ADARB2: variants seen among roughly 807,000 people sequenced by gnomAD.
ADARB2 encodes adenosine deaminase RNA specific B2 (inactive).
Under a neutral mutation model 62.2 loss-of-function variants are expected in ADARB2, and 25 were observed. That is an observed-to-expected ratio of 0.40 (90% CI 0.29 to 0.56). The LOEUF (loss-of-function observed/expected upper bound fraction) is 0.56, where lower values mean the gene tolerates loss of function less well. ADARB2 is among the 20% of genes least tolerant of loss of function. The probability of loss-of-function intolerance (pLI) is 0.43; values close to 1 mark genes in which losing one functional copy is unlikely to be tolerated. For missense variants in ADARB2, 1,071 were observed against 1,077.4 expected (o/e 0.99, Z 0.08); for synonymous variants, 572 against 500.8 (o/e 1.14, Z -1.90).
intron 1 of ADARB2, among the ~76,000 whole-genome samples, chr10:1,608,774 G>GAAAGAAAGAAAGAAAGAAAGAAAGAA: frequency 1.4e-5 from 2 of 139,532 alleles, no homozygotes; most frequent in Admixed American, 7.3e-5. Flanking sequence ...GAAAGAGAAA[G>GAAAGAAAGAAAGAAAGAAAGAAAGAA]AGAAAGAAAG....
At position 1,398,603 on chromosome 10, in the gene ADARB2, C is replaced by T. The variant is rs939679105; in HGVS notation, c.101-19443G>A. On this transcript the variant is annotated intron_variant, in intron 1 of 9. Transcript: ENST00000381312. This position sits in a 1 kb window ranked among gnomAD's most constrained non-coding sequence, Gnocchi z 4.1. ...GTGCGGAGGTAAGACAACTCAAAAACGTGTATTTGCCGTTTCTTTCTTTGA... is the reference window on the plus strand; with the variant it reads ...GTGCGGAGGTAAGACAACTCAAAAATGTGTATTTGCCGTTTCTTTCTTTGA... 1.3e-5 allele frequency among the ~76,000 whole-genome samples: 2 copies of T among 152,190 alleles called. No homozygotes were observed. Among genetic ancestry groups the T allele is most frequent in the Non-Finnish European group, 2.9e-5 (2 of 68,034 alleles).
intron 1 of ADARB2, among the ~76,000 whole-genome samples, chr10:1,649,952 C>T (rs17221916): frequency 0.23 from 35,365 of 152,128 alleles, 4,170 homozygotes; most frequent in Admixed American, 0.27. Flanking sequence ...TACACAAACC[C>T]GGGAGGACCT....
chr10:1,252,483 G>C (rs1275155399), intron 4 of ADARB2, among the ~76,000 whole-genome samples: 1 of 152,180 alleles, frequency 6.6e-6, no homozygotes, highest in East Asian at 1.9e-4. Context: ...CAGCCTAACT[G>C]ATCTTCTGTA....
chr10:1,637,292 T>C (rs963248520), intron 1 of ADARB2, among the ~76,000 whole-genome samples: 5 of 152,138 alleles, frequency 3.3e-5, no homozygotes, highest in Admixed American at 3.3e-4. Flanking sequence ...CAGCTCGGAG[T>C]GGGAAGGAAG....
intron 1 of ADARB2, among the ~76,000 whole-genome samples, chr10:1,379,884 G>A (rs1017359679): frequency 6.6e-6 from 1 of 152,142 alleles, no homozygotes; most frequent in Non-Finnish European, 1.5e-5. Context: ...AGGAGATGCC[G>A]CTCTTCACCA....
At chr10:1,231,698 T>A (rs909799051) in intron 6 of ADARB2, among the ~76,000 whole-genome samples, 1 of 152,186 alleles carries the variant, frequency 6.6e-6, no homozygotes, top group South Asian at 2.1e-4. Context: ...CCAAAGGGTG[T>A]GGAAATACTA....
At chr10:1,275,621 A>G (rs1302279134) in intron 3 of ADARB2, among the ~76,000 whole-genome samples, 1 of 151,034 alleles carries the variant, frequency 6.6e-6, no homozygotes, top group East Asian at 2.0e-4. Context: ...CTCATCATTT[A>G]ACATTAGGTA....
At chr10:1,392,091 C>T (rs568819823) in intron 1 of ADARB2, among the ~76,000 whole-genome samples, 3 of 152,178 alleles carry the variant, frequency 2.0e-5, no homozygotes, top group Admixed American at 6.5e-5. Flanking sequence ...ACTCTACCTC[C>T]TAAAAAGCAC....
intron 1 of ADARB2, among the ~76,000 whole-genome samples, chr10:1,596,318 T>C (rs1385615748): frequency 1.3e-5 from 2 of 152,232 alleles, no homozygotes; most frequent in Non-Finnish European, 2.9e-5. Flanking sequence ...CCAACAAGTT[T>C]ATCTTGTTTA....
At chr10:1,694,938 A>G (rs1834720402) in intron 1 of ADARB2, among the ~76,000 whole-genome samples, 1 of 152,118 alleles carries the variant, frequency 6.6e-6, no homozygotes, top group Non-Finnish European at 1.5e-5. Context: ...AAGCCTCTGC[A>G]TGGAAGGTTA....
At chr10:1,682,411 A>C (rs897256012) in intron 1 of ADARB2, among the ~76,000 whole-genome samples, 1 of 152,204 alleles carries the variant, frequency 6.6e-6, no homozygotes, top group Non-Finnish European at 1.5e-5. Context: ...AGCCATTTGC[A>C]CTTTAAGGAA....
intron 1 of ADARB2, among the ~76,000 whole-genome samples, chr10:1,510,140 CTT>C (rs1458062367): frequency 8.0e-6 from 1 of 124,252 alleles, no homozygotes; most frequent in Non-Finnish European, 1.7e-5. Context: ...TTCTTTCTTT[CTT>C]TCTTTCTTTC....
chr10:1,515,904 A>G (rs183538464), intron 1 of ADARB2, among the ~76,000 whole-genome samples: 60 of 152,342 alleles, frequency 3.9e-4, no homozygotes, highest in African/African-American at 1.3e-3. Context: ...TGACAGTGCC[A>G]CTATCACCTC....
At chr10:1,427,573 A>C (rs1832902988) in intron 1 of ADARB2, among the ~76,000 whole-genome samples, 1 of 152,238 alleles carries the variant, frequency 6.6e-6, no homozygotes, top group South Asian at 2.1e-4. Flanking sequence ...TGGTGACCAC[A>C]CCAAATGCTG....
intron 5 of ADARB2, 113 bp from the exon 6 acceptor site, chr10:1,233,958 T>C: frequency 1.9e-6 from 2 of 1,079,848 alleles, no homozygotes; most frequent in South Asian, 2.0e-5. Flanking sequence ...TTTTCCTTTA[T>C]ATTTTTCCTT....
At chr10:1,341,347 G>GT (rs1832025404) in intron 3 of ADARB2, among the ~76,000 whole-genome samples, 1 of 149,298 alleles carries the variant, frequency 6.7e-6, no homozygotes, top group South Asian at 2.1e-4. Context: ...AGAACAACGT[G>GT]CCCTGCAACG....
intron 5 of ADARB2, 139 bp downstream of exon 5, chr10:1,241,992 A>G: frequency 1.1e-6 from 1 of 947,528 alleles, no homozygotes; most frequent in Non-Finnish European, 1.5e-6. Flanking sequence ...TAGTCTGAAT[A>G]AAAAGGGATG....
chr10:1,403,696 G>T (rs1427318260), intron 1 of ADARB2, among the ~76,000 whole-genome samples: 3 of 152,180 alleles, frequency 2.0e-5, no homozygotes, highest in Non-Finnish European at 4.4e-5. Flanking sequence ...CATTCTCAGA[G>T]CTGCAGCCTG....
chr10:1,354,666 G>T (rs951211768), intron 3 of ADARB2, among the ~76,000 whole-genome samples: 2 of 152,234 alleles, frequency 1.3e-5, no homozygotes, highest in African/African-American at 2.4e-5. Flanking sequence ...TCCTTGGGAT[G>T]GGGAAGGTGG....
Sources: allele counts gnomAD v4.1 joint callset (sites outside exome capture counted in the v4.1 genomes callset), GRCh38; gene constraint gnomAD v4.1.1; non-coding constraint Gnocchi (gnomAD v3.1); transcripts MANE v1.5; gene names NCBI Gene and HGNC (gene_info 2026-07-23, HGNC 2026-07-21).